Variants in ATRNL1 observed in about 807,000 individuals in gnomAD.
ATRNL1 encodes the protein attractin like 1.
ATRNL1 carries 95 observed loss-of-function variants against 182.7 expected under a neutral mutation model. That is an observed-to-expected ratio of 0.52 (90% confidence interval 0.44 to 0.62). ATRNL1 has a LOEUF of 0.62. ATRNL1 is among the 20% of genes least tolerant of loss of function. The probability of loss-of-function intolerance (pLI) is 0.00; values close to 1 mark genes in which losing one functional copy is unlikely to be tolerated. For synonymous variants in ATRNL1, 576 were observed against 568.3 expected (o/e 1.01, Z -0.19); for missense variants, 1,471 against 1,679.5 (o/e 0.88, Z 2.17).
chr10:115,677,618 A>G (rs1259051624), intron 26 of ATRNL1, among the ~76,000 whole-genome samples: 2 of 151,984 alleles, frequency 1.3e-5, no homozygotes, highest in African/African-American at 4.8e-5. Context: ...GCCATGTAAG[A>G]AGTGCCTTTT....
intron 25 of ATRNL1, among the ~76,000 whole-genome samples, chr10:115,546,497 C>CA (rs1852665883): frequency 6.6e-6 from 1 of 151,474 alleles, no homozygotes; most frequent in Non-Finnish European, 1.5e-5. Context: ...ACCCGGGAGG[C>CA]AGAGGCTGCA....
At chr10:115,501,272 T>A (rs1308799397) in intron 24 of ATRNL1, among the ~76,000 whole-genome samples, 2 of 152,092 alleles carry the variant, frequency 1.3e-5, no homozygotes, top group Non-Finnish European at 2.9e-5. Flanking sequence ...AGCCATGGAT[T>A]TGTACCATTA....
At chr10:115,566,343 T>C (rs1464421957) in intron 26 of ATRNL1, among the ~76,000 whole-genome samples, 1 of 152,178 alleles carries the variant, frequency 6.6e-6, no homozygotes, top group Admixed American at 6.5e-5. Context: ...ATGTGGACAA[T>C]TTATTATTAC....
chr10:115,302,764 G>A (rs187500427), intron 17 of ATRNL1, among the ~76,000 whole-genome samples: 99 of 151,024 alleles, frequency 6.6e-4, no homozygotes, highest in South Asian at 2.1e-4. Flanking sequence ...CACAAATGGC[G>A]TCAGAATACA....
intron 27 of ATRNL1, among the ~76,000 whole-genome samples, chr10:115,847,662 A>C (rs183732250): frequency 6.6e-6 from 1 of 152,286 alleles, no homozygotes; most frequent in Non-Finnish European, 1.5e-5. Context: ...GTGGCTCACA[A>C]GCTGCTCGTC....
At chr10:115,278,745 CT>C (rs1304119105) in intron 13 of ATRNL1, among the ~76,000 whole-genome samples, 2 of 152,164 alleles carry the variant, frequency 1.3e-5, no homozygotes, top group African/African-American at 4.8e-5. Context: ...ACTAATACTA[CT>C]TTCTGTCACT....
At chr10:115,404,059 G>T (rs555545114) in intron 20 of ATRNL1, among the ~76,000 whole-genome samples, 40 of 152,272 alleles carry the variant, frequency 2.6e-4, no homozygotes, top group African/African-American at 9.4e-4. Context: ...ATATGTTTTG[G>T]TAACAAGTCT....
chr10:115,346,559 T>C (rs1247200562), intron 19 of ATRNL1, among the ~76,000 whole-genome samples: 2 of 152,224 alleles, frequency 1.3e-5, no homozygotes, highest in African/African-American at 4.8e-5. Context: ...TATTTATTCA[T>C]TGATGGACAC....
At chr10:115,114,312 A>G (rs1361997103) in intron 1 of ATRNL1, among the ~76,000 whole-genome samples, 1 of 152,220 alleles carries the variant, frequency 6.6e-6, no homozygotes, top group Non-Finnish European at 1.5e-5. Context: ...AAGGAAACAT[A>G]GGAGAAAAGC....
intron 26 of ATRNL1, among the ~76,000 whole-genome samples, chr10:115,558,506 C>T (rs1408669421): frequency 2.6e-5 from 4 of 152,252 alleles, no homozygotes; most frequent in East Asian, 3.9e-4. Context: ...TGAGATGTGG[C>T]GGAAGGGGGA....
intron 20 of ATRNL1, among the ~76,000 whole-genome samples, chr10:115,416,266 G>T (rs1275629698): frequency 6.6e-6 from 1 of 151,954 alleles, no homozygotes; most frequent in African/African-American, 2.4e-5. Context: ...TGTTTTTATA[G>T]AAAGTATTTA....
chr10:115,291,405 G>C (rs1305006235), intron 15 of ATRNL1, among the ~76,000 whole-genome samples: 1 of 152,118 alleles, frequency 6.6e-6, no homozygotes, highest in African/African-American at 2.4e-5. Flanking sequence ...TTAGAAGAAA[G>C]GCTTTTAGCT....
intron 24 of ATRNL1, among the ~76,000 whole-genome samples, chr10:115,514,822 G>A (rs1850559254): frequency 6.6e-6 from 1 of 151,874 alleles, no homozygotes; most frequent in African/African-American, 2.4e-5. Context: ...AATAATCAAT[G>A]CTTTTTTCCC....
intron 26 of ATRNL1, among the ~76,000 whole-genome samples, chr10:115,631,674 A>G (rs1234328958): frequency 6.6e-6 from 1 of 152,120 alleles, no homozygotes; most frequent in Non-Finnish European, 1.5e-5. Flanking sequence ...CATCAAAGTT[A>G]TAATAAAGAG....
chr10:115,402,707 T>C (rs962051635), intron 20 of ATRNL1, among the ~76,000 whole-genome samples: 1 of 152,204 alleles, frequency 6.6e-6, no homozygotes, highest in Non-Finnish European at 1.5e-5. Flanking sequence ...TCCTAAGATA[T>C]ATGGCAATAT....
chr10:115,684,326 A>G (rs1325245571), intron 26 of ATRNL1, among the ~76,000 whole-genome samples: 3 of 151,462 alleles, frequency 2.0e-5, no homozygotes, highest in Non-Finnish European at 4.4e-5. Context: ...CAACTTGAAT[A>G]TGAAGTATAG....
intron 27 of ATRNL1, among the ~76,000 whole-genome samples, chr10:115,749,312 T>A (rs2134115436): frequency 6.6e-6 from 1 of 152,018 alleles, no homozygotes; most frequent in South Asian, 2.1e-4. Flanking sequence ...CAAAGAAAAC[T>A]CACTAATTCT....
chr10:115,520,499 A>G (rs1850872591), intron 25 of ATRNL1, among the ~76,000 whole-genome samples: 1 of 152,180 alleles, frequency 6.6e-6, no homozygotes, highest in Non-Finnish European at 1.5e-5. Context: ...GCTGTGTTCC[A>G]ATAAAACTTT....
chr10:115,819,853 C>T (rs1332571900), intron 27 of ATRNL1: 2 of 151,836 alleles, frequency 1.3e-5, no homozygotes, highest in Non-Finnish European at 2.9e-5. Context: ...TTTCTCCTCA[C>T]CTCCTTCATT....
Sources: gnomAD v4.1 joint callset for allele counts (sites outside exome capture counted in the v4.1 genomes callset) on GRCh38, gnomAD v4.1.1 for gene constraint, MANE v1.5 for transcripts, NCBI Gene and HGNC (gene_info 2026-07-23, HGNC 2026-07-21) for gene names.